The following PALS1 variants were observed in gnomAD, a reference collection of about 807,000 sequenced individuals.
PALS1 encodes the protein protein PALS1.
In PALS1, 31 loss-of-function variants were observed where a neutral mutation model predicts 78.9. The ratio of observed to expected loss-of-function variants is 0.39; its 90% CI spans 0.30 to 0.53. The LOEUF is 0.53. Ranked by LOEUF, PALS1 falls within the 20% of genes least tolerant of loss-of-function variation. The probability of loss-of-function intolerance (pLI) is 0.67; values close to 1 mark genes in which losing one functional copy is unlikely to be tolerated. For missense variants in PALS1, 704 were observed against 826.5 expected, an observed-to-expected ratio of 0.85 and a Z score of 1.82; for synonymous variants, 276 against 270.9, an observed-to-expected ratio of 1.02 and a Z score of -0.18.
At position 67,335,575 on chromosome 14, in the gene PALS1, G is replaced by C. The variant is rs1198178100; in HGVS notation, c.*2619G>C. On this transcript the variant is annotated 3_prime_UTR_variant, in exon 15 of 15. Transcript: ENST00000261681. ...GCTTTCTATGAAAATCTAATGTCTG[G>C]ATTATCTTCCTTTTCTCATGGCCTA... The C allele has an allele frequency of 6.6e-6, 1 of 152,582 alleles. No homozygotes were observed. Among genetic ancestry groups the C allele is most frequent in the African/African-American group, 2.4e-5 (1 of 41,438 alleles). The allele number at this position is 152,582 out of a possible 1,614,324, so 9.5% of individuals were successfully genotyped here.
chr14:67,311,436 CAG>C (rs981185837), intron 8 of PALS1, among the ~76,000 whole-genome samples: 3 of 151,800 alleles, frequency 2.0e-5, no homozygotes, highest in Admixed American at 6.6e-5. Flanking sequence ...CTATGTGTGA[CAG>C]AAATGCTCAC....
intron 14 of PALS1, 115 bp from the exon 15 acceptor site, chr14:67,332,665 A>G: frequency 7.6e-6 from 8 of 1,054,948 alleles, no homozygotes; most frequent in Non-Finnish European, 1.1e-5. Flanking sequence ...TGAGGTTGGG[A>G]GAGACAGAAG....
At chr14:67,270,482 G>C (rs2084391438) in intron 2 of PALS1, 1 of 151,690 alleles carries the variant, frequency 6.6e-6, no homozygotes, top group Non-Finnish European at 1.5e-5. Flanking sequence ...AAAAGAATTA[G>C]GGCCAGTAAC....
At chr14:67,289,899 T>G (rs1182367714) in intron 3 of PALS1, among the ~76,000 whole-genome samples, 1 of 151,370 alleles carries the variant, frequency 6.6e-6, no homozygotes, top group African/African-American at 2.4e-5. Flanking sequence ...GCCTCTCGAG[T>G]AGCTGGGACT....
At chr14:67,323,949 A>C (rs1294925877) in intron 14 of PALS1, 137 bp downstream of exon 14, 2 of 539,100 alleles carry the variant, frequency 3.7e-6, no homozygotes, top group Non-Finnish European at 6.6e-6. Context: ...TTACTTGCCC[A>C]AAAATTGCCA....
At chr14:67,294,710 T>C (rs1048186948) in intron 4 of PALS1, 1 of 152,032 alleles carries the variant, frequency 6.6e-6, no homozygotes, top group Non-Finnish European at 1.5e-5. Flanking sequence ...TCTTGCACTG[T>C]TGCCCAGGCT....
chr14:67,269,276 A>AT (rs900660468), intron 1 of PALS1, among the ~76,000 whole-genome samples: 2 of 151,872 alleles, frequency 1.3e-5, no homozygotes, highest in African/African-American at 4.8e-5. Flanking sequence ...GAACATTTGG[A>AT]TTTTTTCTAC....
At chr14:67,299,713 A>T (rs759544365) in intron 4 of PALS1, among the ~76,000 whole-genome samples, 11 of 152,232 alleles carry the variant, frequency 7.2e-5, no homozygotes, top group Non-Finnish European at 1.0e-4. Flanking sequence ...TTAGTAGGGC[A>T]GTGGGTAAAC....
chr14:67,253,226 A>C (rs1470799663), intron 1 of PALS1, among the ~76,000 whole-genome samples: 1 of 152,218 alleles, frequency 6.6e-6, no homozygotes, highest in African/African-American at 2.4e-5. Context: ...GAGATGGTAC[A>C]TCAAGAATGG....
intron 1 of PALS1, chr14:67,254,163 C>G (rs1595562260): frequency 7.0e-6 from 1 of 143,628 alleles, no homozygotes. Flanking sequence ...GATATCTATA[C>G]TAGATTTTAA....
In PALS1 at chr14:67,317,317, A is replaced by G; in HGVS notation, c.1298-91A>G. ...GTTTCTGCAAAAAAATTTAAAGAAT[A>G]AATGAATGAATAAATAGAGTTCTTC... On this transcript the variant is annotated intron_variant, in intron 10 of 14. Coordinates refer to ENST00000261681, the MANE Select transcript of PALS1 (RefSeq NM_022474.4). 3 of 1,171,948 alleles carry G rather than the reference A, an allele frequency of 2.6e-6. No homozygotes were observed. The South Asian group carries it at 4.4e-5, about 17-fold the overall frequency. The allele number at this position is 1,171,948 out of a possible 1,614,324, so 72.6% of individuals were successfully genotyped here.
At chr14:67,253,535 T>A (rs1383539168) in intron 1 of PALS1, among the ~76,000 whole-genome samples, 1 of 152,184 alleles carries the variant, frequency 6.6e-6, no homozygotes, top group Non-Finnish European at 1.5e-5. Flanking sequence ...TACACATTTT[T>A]AAATAGACTT....
At chr14:67,276,623 G>A (rs973392310) in intron 2 of PALS1, among the ~76,000 whole-genome samples, 2 of 152,144 alleles carry the variant, frequency 1.3e-5, no homozygotes, top group Non-Finnish European at 2.9e-5. Context: ...TTTAGAACCT[G>A]TTAAGGAGAT....
intron 3 of PALS1, among the ~76,000 whole-genome samples, chr14:67,283,950 A>T (rs879661812): frequency 3.3e-5 from 5 of 152,148 alleles, no homozygotes; most frequent in Non-Finnish European, 7.3e-5. Context: ...TGCATATTGG[A>T]AAGTAGGGAT....
intron 1 of PALS1, among the ~76,000 whole-genome samples, chr14:67,268,503 T>G (rs912906600): frequency 2.6e-5 from 4 of 152,218 alleles, no homozygotes; most frequent in African/African-American, 4.8e-5. Flanking sequence ...CTTGATTATA[T>G]TCTAAGCAAG....
Position 67,317,430 on chromosome 14 carries a change from G to A in PALS1, c.1320G>A (p.Lys440=). 6.2e-7 allele frequency: 1 copy of A among 1,611,898 alleles called. No individual in the cohort carries two copies. Among genetic ancestry groups the A allele is most frequent in the Non-Finnish European group, 8.5e-7 (1 of 1,178,736 alleles). Residue 440 remains lysine (K), a synonymous_variant, in exon 11 of 15, where the codon AAG becomes AAA. Coordinates refer to ENST00000261681, the MANE Select transcript of PALS1 (RefSeq NM_022474.4). Reference sequence around the variant, plus strand: ...CAGGAAAACTGTGGTGTGCAAAGAAGAATAAAAAGAAGAGGAAAAAGGTTT... The same window carrying A: ...CAGGAAAACTGTGGTGTGCAAAGAAAAATAAAAAGAAGAGGAAAAAGGTTT... ...EKSGKLWCAK[K]NKKKRKKVLY... is the part of the protein sequence containing the mutation.
At chr14:67,306,513 T>TTGTG (rs35688419) in intron 8 of PALS1, among the ~76,000 whole-genome samples, 85 of 147,536 alleles carry the variant, frequency 5.8e-4, no homozygotes, top group East Asian at 2.6e-3. Context: ...CTGGCTGAAT[T>TTGTG]TGTGTGTGTG....
chr14:67,300,061 G>T (rs546737445), intron 4 of PALS1, among the ~76,000 whole-genome samples: 1 of 152,128 alleles, frequency 6.6e-6, no homozygotes, highest in Non-Finnish European at 1.5e-5. Flanking sequence ...CTTGTCCATT[G>T]TAAGATTTTA....
chr14:67,335,359 C>T lies in PALS1; in HGVS notation c.*2403C>T, dbSNP rs1169178972. On this transcript the variant is annotated 3_prime_UTR_variant, in exon 15 of 15. Transcript: ENST00000261681. ...CTGGCCAATTCCATTTCCTGTCCCT[C>T]TGTGGTTCTGACTGGAGACCCCAGT... is the stretch of plus-strand genomic sequence containing the variant. 6.6e-6 allele frequency: 1 copy of T among 152,240 alleles called. No homozygotes were observed. The highest frequency in any genetic ancestry group is 1.5e-5 in the Non-Finnish European group (1 of 68,052). 9.4% of individuals were successfully genotyped at this position (152,240 alleles called of 1,614,324 possible).
Sources: gnomAD v4.1 joint callset for allele counts (sites outside exome capture counted in the v4.1 genomes callset) on GRCh38, gnomAD v4.1.1 for gene constraint, MANE v1.5 for transcripts, NCBI Gene and HGNC (gene_info 2026-07-23, HGNC 2026-07-21) for gene names.